The following RASEF variants were observed in gnomAD, a reference collection of about 807,000 sequenced individuals.
The protein encoded by RASEF is ras and EF-hand domain-containing protein.
In RASEF, 68 loss-of-function variants were observed where a neutral mutation model predicts 90.1. The ratio of observed to expected loss-of-function variants is 0.75; its 90% confidence interval spans 0.62 to 0.92. The LOEUF is 0.92. Ranked by LOEUF, RASEF falls within the 40% of genes least tolerant of loss-of-function variation. RASEF has a pLI of 0.00. For missense variants in RASEF, 949 were observed against 937.2 expected (o/e 1.01, Z -0.16); for synonymous variants, 331 against 345.2 (o/e 0.96, Z 0.46).
chr9:83,131,504 A>G, the RASEF span, among the ~76,000 whole-genome samples: 8 of 152,310 alleles, frequency 5.3e-5, no homozygotes, highest in East Asian at 1.4e-3. Context: ...CATAATCTCA[A>G]AAATAGAAAG....
chr9:83,167,549 C>T, the RASEF span, among the ~76,000 whole-genome samples: 1 of 152,108 alleles, frequency 6.6e-6, no homozygotes, highest in Non-Finnish European at 1.5e-5. Context: ...ATAACTCACT[C>T]ATTAAATGCA....
chr9:83,155,529 C>T, the RASEF span, among the ~76,000 whole-genome samples: 43 of 152,162 alleles, frequency 2.8e-4, 1 homozygote, highest in Admixed American at 1.3e-3. Flanking sequence ...GGAAACCGCC[C>T]CCATGATTAA....
At chr9:83,064,237 C>G (rs1011694977), upstream of RASEF, among the ~76,000 whole-genome samples, 4 of 152,208 alleles carry the variant, frequency 2.6e-5, no homozygotes, top group Non-Finnish European at 5.9e-5. Context: ...ATGGTCAACA[C>G]TAACAGCTTC....
chr9:83,036,163 T>G (rs1409585942), intron 1 of RASEF, among the ~76,000 whole-genome samples: 1 of 152,202 alleles, frequency 6.6e-6, no homozygotes, highest in Non-Finnish European at 1.5e-5. Flanking sequence ...ACTAAAACTT[T>G]CCTTTCAGGG....
intron 1 of RASEF, among the ~76,000 whole-genome samples, chr9:83,056,364 C>G (rs888516584): frequency 3.3e-5 from 5 of 152,206 alleles, no homozygotes; most frequent in African/African-American, 1.2e-4. Flanking sequence ...TCAGGTGAGG[C>G]AGCCCTGAAC....
the RASEF span, among the ~76,000 whole-genome samples, chr9:83,193,366 G>A: frequency 2.0e-5 from 3 of 152,226 alleles, no homozygotes; most frequent in African/African-American, 7.2e-5. Context: ...AGAGAAAGAA[G>A]AAAATTTAAG....
the RASEF span, among the ~76,000 whole-genome samples, chr9:83,207,949 G>A: frequency 2.7e-4 from 41 of 152,236 alleles, no homozygotes; most frequent in African/African-American, 8.7e-4. Flanking sequence ...TGTTCTGACC[G>A]CCTCTTGGTA....
the RASEF span, among the ~76,000 whole-genome samples, chr9:83,185,879 C>T: frequency 3.3e-5 from 5 of 152,120 alleles, no homozygotes; most frequent in Non-Finnish European, 5.9e-5. Context: ...GCAGCAACCC[C>T]GAGATTCCAC....
At chr9:82,982,815 G>A (rs202217869) in intron 16 of RASEF, 33 bp from the exon 17 acceptor site, 3 of 1,080,236 alleles carry the variant, frequency 2.8e-6, no homozygotes, top group Non-Finnish European at 4.2e-6. Flanking sequence ...CAGAGAGAGA[G>A]AGAGAGAGAG....
intron 1 of RASEF, among the ~76,000 whole-genome samples, chr9:83,056,598 AC>A (rs1351043008): frequency 8.5e-5 from 13 of 152,248 alleles, no homozygotes; most frequent in Non-Finnish European, 1.8e-4. Context: ...AGATTGGATA[AC>A]CTGGGCAGAA....
chr9:83,192,067 G>A, the RASEF span, among the ~76,000 whole-genome samples: 591 of 152,242 alleles, frequency 3.9e-3, no homozygotes, highest in Middle Eastern at 0.017. Context: ...AGATGCTGGC[G>A]AGATTGTGGA....
At chr9:83,137,568 A>G in the RASEF span, among the ~76,000 whole-genome samples, 1 of 152,148 alleles carries the variant, frequency 6.6e-6, no homozygotes, top group Non-Finnish European at 1.5e-5. Context: ...CATGCTGGGA[A>G]TAAGAAAAAT....
At chr9:83,056,305 A>T (rs957716255) in intron 1 of RASEF, among the ~76,000 whole-genome samples, 9 of 152,240 alleles carry the variant, frequency 5.9e-5, no homozygotes, top group Non-Finnish European at 1.3e-4. Flanking sequence ...TCTGGGAGAC[A>T]GACAAGTGTT....
intron 5 of RASEF, among the ~76,000 whole-genome samples, chr9:83,011,790 G>C (rs1432770756): frequency 6.6e-6 from 1 of 152,020 alleles, no homozygotes; most frequent in Non-Finnish European, 1.5e-5. Context: ...AGCCTACTAA[G>C]ATGTGGAAAA....
intron 6 of RASEF, among the ~76,000 whole-genome samples, chr9:83,009,215 G>A (rs1829193704): frequency 6.6e-6 from 1 of 151,712 alleles, no homozygotes; most frequent in Non-Finnish European, 1.5e-5. Flanking sequence ...ATAAATACGT[G>A]TCTGTGAATG....
At chr9:83,011,550 C>CAAAAAAAAAAAA (rs71363083) in intron 5 of RASEF, among the ~76,000 whole-genome samples, 1 of 28,108 alleles carries the variant, frequency 3.6e-5, no homozygotes, top group African/African-American at 1.4e-4. Flanking sequence ...GACTCCATCT[C>CAAAAAAAAAAAA]AAAAAAAAAA....
intron 1 of RASEF, among the ~76,000 whole-genome samples, chr9:83,044,563 G>T (rs1215509694): frequency 6.6e-6 from 1 of 152,164 alleles, no homozygotes; most frequent in African/African-American, 2.4e-5. Flanking sequence ...CTTTGTTGTG[G>T]AGTGTTTAGG....
chr9:83,112,006 G>C, the RASEF span, among the ~76,000 whole-genome samples: 1 of 151,886 alleles, frequency 6.6e-6, no homozygotes, highest in Non-Finnish European at 1.5e-5. Context: ...TATTTGAAGA[G>C]TAGAGGCAAA....
At chr9:83,197,779 C>T in the RASEF span, among the ~76,000 whole-genome samples, 25 of 152,022 alleles carry the variant, frequency 1.6e-4, no homozygotes, top group Admixed American at 1.4e-3. Flanking sequence ...TTTTTGCTTC[C>T]GTTAGTCTGA....
Sources: allele counts gnomAD v4.1 joint callset (sites outside exome capture counted in the v4.1 genomes callset), GRCh38; gene constraint gnomAD v4.1.1; transcripts MANE v1.5; gene names NCBI Gene and HGNC (gene_info 2026-07-23, HGNC 2026-07-21).